SAFB2: variants seen among roughly 807,000 people sequenced by gnomAD.
SAFB2 encodes the protein scaffold attachment factor B2.
In SAFB2, 32 loss-of-function variants were observed where a neutral mutation model predicts 100.6. The observed-to-expected ratio is 0.32, with a 90% CI of 0.24 to 0.43. SAFB2 has a LOEUF of 0.43. Among genes scored for constraint, SAFB2 ranks in the 20% least tolerant of loss-of-function variants. SAFB2 has a pLI of 1.00. For synonymous variants in SAFB2, 500 were observed against 439.4 expected (o/e 1.14, Z -1.72); for missense variants, 1,185 against 1,163.4 (o/e 1.02, Z -0.27).
At chr19:5,613,819 A>G in intron 4 of SAFB2, 1 of 782,068 alleles carries the variant, frequency 1.3e-6, no homozygotes, top group Non-Finnish European at 1.6e-6. Context: ...TGATTACCAC[A>G]TACCCCTCCA....
chr19:5,610,480 A>T, intron 8 of SAFB2, 159 bp downstream of exon 8: 1 of 649,470 alleles, frequency 1.5e-6, no homozygotes, highest in East Asian at 2.8e-5. Context: ...GGTGCTTGCG[A>T]ACTTCTAAAA....
chr19:5,609,300 CTTTTT>C (rs751534976), intron 9 of SAFB2, among the ~76,000 whole-genome samples: 1 of 118,878 alleles, frequency 8.4e-6, no homozygotes, highest in East Asian at 2.6e-4. Context: ...TCACTTCATT[CTTTTT>C]TTTTTTTTTT....
At position 5,594,012 on chromosome 19, in the gene SAFB2, G is replaced by C; in HGVS notation, c.2086C>G (p.Arg696Gly). 6.4e-7 allele frequency: 1 copy of C among 1,563,502 alleles called. No homozygotes were observed. The highest frequency in any genetic ancestry group is 8.6e-7 in the Non-Finnish European group (1 of 1,161,672). Residue 696 changes from arginine to glycine, a missense_variant, in exon 15 of 21, where the codon CGT (arginine) becomes GGT (glycine). Arg to Gly is a moderately radical substitution (Grantham distance 125). Transcript: ENST00000252542. ...CGCTCCTGCTCCTTCCTGCGCTCAC[G>C]CTCCACGCGCATGCGCTCGCGCTCC... Reference protein sequence around the residue: ...RLERERMRVERERRKEQERIH... With the variant: ...RLERERMRVEGERRKEQERIH...
intron 8 of SAFB2, 120 bp downstream of exon 8, chr19:5,610,519 T>G: frequency 1.3e-6 from 1 of 742,168 alleles, no homozygotes; most frequent in Non-Finnish European, 2.3e-6. Context: ...ATTAGGTGGT[T>G]GATTCCGGTA....
rs775920907 is a variant in SAFB2, at chr19:5,622,670, C to G, written c.46G>C (p.Ala16Pro). The G allele has an allele frequency of 6.2e-7, 1 of 1,608,190 alleles. No homozygotes were observed. The highest frequency in any genetic ancestry group is 2.2e-5 in the East Asian group (1 of 44,718). Residue 16 changes from alanine (A) to proline (P), a missense_variant, in exon 1 of 21, where the codon GCT becomes CCT. Physicochemically the swap from Ala to Pro is conservative, Grantham distance 27. This residue lies in a region of SAFB2 where 351 missense variants were observed against 341.2 expected (regional missense o/e 1.03). Transcript: ENST00000252542. ...TCCGCAACGCCCGGGCCGAGAGAAG[C>G]CGTGCCAGGGCCCGAGTCGCCCGAC... ...PGSGDSGPGT[A>P]SLGPGVAETG...
At chr19:5,619,441 C>T (rs1246043656) in intron 2 of SAFB2, among the ~76,000 whole-genome samples, 4 of 152,216 alleles carry the variant, frequency 2.6e-5, no homozygotes, top group Non-Finnish European at 5.9e-5. Flanking sequence ...ACACTAACTC[C>T]AAGTAGTTTT....
intron 4 of SAFB2, 178 bp downstream of exon 4, chr19:5,615,954 C>T: frequency 1.6e-6 from 1 of 608,954 alleles, no homozygotes. Flanking sequence ...GAAAAGCTAT[C>T]TATGAGTAAA....
chr19:5,590,452 C>T, intron 17 of SAFB2, 44 bp from the exon 18 acceptor site: 1 of 1,542,302 alleles, frequency 6.5e-7, no homozygotes. Context: ...CCATGTCACC[C>T]ACATAGGCCC....
At chr19:5,603,394 C>G (rs996001686) in intron 11 of SAFB2, among the ~76,000 whole-genome samples, 1 of 152,206 alleles carries the variant, frequency 6.6e-6, no homozygotes, top group African/African-American at 2.4e-5. Flanking sequence ...CTCTAAACTG[C>G]GTTGACAACG....
chr19:5,589,283 A>C (rs1185176546), intron 18 of SAFB2, among the ~76,000 whole-genome samples: 1 of 152,178 alleles, frequency 6.6e-6, no homozygotes. Context: ...GTCTCACAGG[A>C]GAGAACACTT....
intron 17 of SAFB2, among the ~76,000 whole-genome samples, chr19:5,590,626 T>C (rs942597077): frequency 5.9e-5 from 9 of 152,284 alleles, no homozygotes; most frequent in African/African-American, 2.2e-4. Flanking sequence ...CTGCCCCACC[T>C]GAGCTGCCCC....
chr19:5,590,145 T>C, intron 18 of SAFB2, 133 bp downstream of exon 18: 3 of 778,500 alleles, frequency 3.9e-6, no homozygotes, highest in Non-Finnish European at 5.7e-6. Flanking sequence ...GGGTTTCAAA[T>C]GGCAGGACCC....
At chr19:5,595,857 T>A (rs772661026) in intron 13 of SAFB2, among the ~76,000 whole-genome samples, 1 of 152,234 alleles carries the variant, frequency 6.6e-6, no homozygotes, top group Non-Finnish European at 1.5e-5. Flanking sequence ...AGGGCCACTG[T>A]GGCCATTAGT....
chr19:5,621,868 C>T (rs1043340956), intron 1 of SAFB2, among the ~76,000 whole-genome samples: 2 of 152,248 alleles, frequency 1.3e-5, no homozygotes, highest in African/African-American at 4.8e-5. Flanking sequence ...CCTCCCTATG[C>T]TCAAGTTGTT....
intron 16 of SAFB2, among the ~76,000 whole-genome samples, 192 bp downstream of exon 16, chr19:5,592,555 C>T (rs951618266): frequency 2.0e-5 from 3 of 152,200 alleles, no homozygotes; most frequent in Non-Finnish European, 4.4e-5. Flanking sequence ...AGATGCCTTC[C>T]TCTGAGGTAA....
chr19:5,605,947 G>C (rs939414570), intron 9 of SAFB2, among the ~76,000 whole-genome samples: 5 of 152,196 alleles, frequency 3.3e-5, no homozygotes, highest in African/African-American at 1.2e-4. Flanking sequence ...AGAGCAAGCT[G>C]AAGAGACCCA....
Position 5,622,725 on chromosome 19 carries a change from C to G in SAFB2, c.-10G>C. On this transcript the variant is annotated 5_prime_UTR_variant, in exon 1 of 21. Coordinates refer to ENST00000252542, the MANE Select transcript of SAFB2 (RefSeq NM_014649.3). Reference sequence around the variant, plus strand: ...GCAGAGTCTCCGCCATCGTCGCGTTCCCGTCTTCGCCACCGACTCAGTCGC... The same window carrying G: ...GCAGAGTCTCCGCCATCGTCGCGTTGCCGTCTTCGCCACCGACTCAGTCGC... The G allele has an allele frequency of 6.3e-7, 1 of 1,594,462 alleles. No homozygotes were observed. Among genetic ancestry groups the G allele is most frequent in the Non-Finnish European group, 8.5e-7 (1 of 1,174,794 alleles).
At chr19:5,609,222 G>GA (rs1415910711) in intron 9 of SAFB2, among the ~76,000 whole-genome samples, 5 of 150,616 alleles carry the variant, frequency 3.3e-5, no homozygotes, top group Non-Finnish European at 7.4e-5. Context: ...ATTTATTTTT[G>GA]AACCACGATC....
intron 7 of SAFB2, 170 bp from the exon 8 acceptor site, chr19:5,610,858 T>C (rs1244398258): frequency 6.7e-6 from 5 of 748,702 alleles, no homozygotes; most frequent in Non-Finnish European, 1.1e-5. Flanking sequence ...AAAAATACAA[T>C]GTCAGATTTG....
Sources: allele counts gnomAD v4.1 joint callset (sites outside exome capture counted in the v4.1 genomes callset), GRCh38; gene constraint gnomAD v4.1.1; regional missense constraint gnomAD v4.1.1; transcripts MANE v1.5; gene names NCBI Gene and HGNC (gene_info 2026-07-23, HGNC 2026-07-21).